KCNAB1: variants seen among roughly 807,000 people sequenced by gnomAD.
The protein encoded by KCNAB1 is voltage-gated potassium channel subunit beta-1.
A neutral mutation model predicts 64.6 loss-of-function variants in KCNAB1; 35 were observed. That is an observed-to-expected ratio of 0.54 (90% CI 0.41 to 0.72). The LOEUF is 0.72. Ranked by LOEUF, KCNAB1 falls within the 30% of genes least tolerant of loss-of-function variation. The probability of loss-of-function intolerance (pLI) is 0.00; values close to 1 mark genes in which losing one functional copy is unlikely to be tolerated. For missense variants in KCNAB1, 401 were observed against 512.9 expected (o/e 0.78, Z 2.11); for synonymous variants, 177 against 183.8 (o/e 0.96, Z 0.30).
chr3:156,228,116 A>G (rs1016036332), intron 1 of KCNAB1, among the ~76,000 whole-genome samples: 4 of 152,074 alleles, frequency 2.6e-5, no homozygotes, highest in Admixed American at 1.3e-4. Context: ...AATTGGTTCA[A>G]TTCCATTCCT....
intron 12 of KCNAB1, among the ~76,000 whole-genome samples, chr3:156,525,104 A>G (rs1454373663): frequency 6.6e-6 from 1 of 152,200 alleles, no homozygotes; most frequent in Non-Finnish European, 1.5e-5. Context: ...TGTATTTACT[A>G]TACTATACTT....
chr3:156,511,641 G>C (rs1213972437), intron 8 of KCNAB1, among the ~76,000 whole-genome samples: 1 of 152,006 alleles, frequency 6.6e-6, no homozygotes, highest in East Asian at 1.9e-4. Context: ...CTCTCTGTTT[G>C]CCATCATCAC....
intron 1 of KCNAB1, among the ~76,000 whole-genome samples, chr3:156,387,288 T>C (rs1318987413): frequency 6.6e-6 from 1 of 152,056 alleles, no homozygotes; most frequent in African/African-American, 2.4e-5. Flanking sequence ...AGCTGAATGT[T>C]GTGATCTAAC....
chr3:156,169,978 T>C (rs1711853276), intron 1 of KCNAB1, among the ~76,000 whole-genome samples: 1 of 152,212 alleles, frequency 6.6e-6, no homozygotes, highest in Non-Finnish European at 1.5e-5. Context: ...TGATCAATCA[T>C]ATTCCCAAAG....
chr3:156,469,248 C>CTTTTTTTTTTTTTTTTT (rs34567814), intron 7 of KCNAB1, among the ~76,000 whole-genome samples: 26 of 72,966 alleles, frequency 3.6e-4, no homozygotes, highest in East Asian at 4.5e-4. Flanking sequence ...TTCTTTCTTT[C>CTTTTTTTTTTTTTTTTT]TTTTTTTTTT....
chr3:156,520,029 C>CA (rs1717835704), intron 11 of KCNAB1, among the ~76,000 whole-genome samples: 1 of 151,856 alleles, frequency 6.6e-6, no homozygotes, highest in Non-Finnish European at 1.5e-5. Flanking sequence ...GGAACCCCAA[C>CA]AAAAAAACAC....
chr3:156,239,953 A>T (rs1202130482), intron 1 of KCNAB1, among the ~76,000 whole-genome samples: 3 of 152,194 alleles, frequency 2.0e-5, no homozygotes, highest in Admixed American at 2.0e-4. Flanking sequence ...GATACTTTTA[A>T]ACTTGAAAGC....
At chr3:156,152,084 T>G (rs1018633360) in intron 1 of KCNAB1, among the ~76,000 whole-genome samples, 3 of 152,202 alleles carry the variant, frequency 2.0e-5, no homozygotes, top group African/African-American at 7.2e-5. Context: ...AACGACTGTG[T>G]CTCCCACAGC....
chr3:156,298,815 C>A (rs536901598), intron 1 of KCNAB1, among the ~76,000 whole-genome samples: 1 of 152,208 alleles, frequency 6.6e-6, no homozygotes, highest in East Asian at 1.9e-4. Flanking sequence ...TAAGAAGATT[C>A]GATATTGCAA....
chr3:156,169,130 C>A (rs1401290262), intron 1 of KCNAB1, among the ~76,000 whole-genome samples: 2 of 152,046 alleles, frequency 1.3e-5, no homozygotes, highest in African/African-American at 2.4e-5. Flanking sequence ...CTAATAGTAT[C>A]CTAAGACATA....
intron 1 of KCNAB1, among the ~76,000 whole-genome samples, chr3:156,359,657 G>A (rs1725476583): frequency 6.6e-6 from 1 of 152,208 alleles, no homozygotes; most frequent in Non-Finnish European, 1.5e-5. Flanking sequence ...TGGTGGGTAT[G>A]CACCATTATG....
intron 1 of KCNAB1, among the ~76,000 whole-genome samples, chr3:156,232,794 T>C (rs1455215962): frequency 2.0e-5 from 3 of 152,244 alleles, no homozygotes; most frequent in Non-Finnish European, 4.4e-5. Context: ...CTGGTAGTAA[T>C]ACAGAAATAC....
At chr3:156,496,520 C>T (rs903227629) in intron 8 of KCNAB1, among the ~76,000 whole-genome samples, 1 of 152,148 alleles carries the variant, frequency 6.6e-6, no homozygotes, top group African/African-American at 2.4e-5. Context: ...AACTGTGAGT[C>T]CATTAAACCT....
chr3:156,196,020 C>T (rs551095555), intron 1 of KCNAB1, among the ~76,000 whole-genome samples: 126 of 152,280 alleles, frequency 8.3e-4, no homozygotes, highest in South Asian at 1.5e-3. Context: ...GCCAGTTTTC[C>T]GAACACCATT....
At chr3:156,433,334 A>G (rs1355465563) in intron 2 of KCNAB1, among the ~76,000 whole-genome samples, 1 of 152,238 alleles carries the variant, frequency 6.6e-6, no homozygotes, top group East Asian at 1.9e-4. Context: ...TGACTAGAAC[A>G]GAGAAAAAGG....
At chr3:156,533,078 G>T (rs186384963) in intron 13 of KCNAB1, among the ~76,000 whole-genome samples, 1 of 152,292 alleles carries the variant, frequency 6.6e-6, no homozygotes, top group East Asian at 1.9e-4. Flanking sequence ...GATAACACAG[G>T]AAAGAAGAAA....
chr3:156,429,328 G>A (rs1445330411), intron 2 of KCNAB1, among the ~76,000 whole-genome samples: 1 of 152,202 alleles, frequency 6.6e-6, no homozygotes, highest in Non-Finnish European at 1.5e-5. Context: ...GAGCTGGCCT[G>A]AGGCATTTCC....
At chr3:156,445,563 C>T (rs534677929) in intron 2 of KCNAB1, among the ~76,000 whole-genome samples, 3 of 152,312 alleles carry the variant, frequency 2.0e-5, no homozygotes, top group East Asian at 3.9e-4. Flanking sequence ...GTGAGGAAAA[C>T]AACCAACGTT....
chr3:156,206,221 T>G (rs1714652389), intron 1 of KCNAB1, among the ~76,000 whole-genome samples: 1 of 152,100 alleles, frequency 6.6e-6, no homozygotes, highest in Non-Finnish European at 1.5e-5. Context: ...CATTGTCAGG[T>G]TATGGGGATT....
Sources: gnomAD v4.1 joint callset for allele counts (sites outside exome capture counted in the v4.1 genomes callset) on GRCh38, gnomAD v4.1.1 for gene constraint, MANE v1.5 for transcripts, NCBI Gene and HGNC (gene_info 2026-07-23, HGNC 2026-07-21) for gene names.